Variants in SLC35F3 observed in about 807,000 individuals in gnomAD.
SLC35F3 encodes putative thiamine transporter SLC35F3.
SLC35F3 carries 25 observed loss-of-function variants against 49.9 expected under a neutral mutation model. The observed-to-expected ratio is 0.50, with a 90% CI of 0.37 to 0.70. The LOEUF (loss-of-function observed/expected upper bound fraction) is 0.70, where lower values mean the gene tolerates loss of function less well. Among genes scored for constraint, SLC35F3 ranks in the 30% least tolerant of loss-of-function variants. SLC35F3 has a pLI of 0.00. For synonymous variants in SLC35F3, 275 were observed against 265.4 expected (o/e 1.04, Z -0.35); for missense variants, 525 against 639.8 (o/e 0.82, Z 1.94).
chr1:234,004,803 C>G (rs889603807), intron 2 of SLC35F3, among the ~76,000 whole-genome samples: 4 of 152,042 alleles, frequency 2.6e-5, no homozygotes, highest in Non-Finnish European at 5.9e-5. Flanking sequence ...TATCATGCCC[C>G]CAGTACATGA....
intron 2 of SLC35F3, among the ~76,000 whole-genome samples, chr1:233,943,822 A>G (rs1270693009): frequency 6.6e-6 from 1 of 152,232 alleles, no homozygotes; most frequent in African/African-American, 2.4e-5. Context: ...TTGTGATGCA[A>G]CTTTATCAAA....
chr1:234,097,937 A>C (rs1665148514), intron 2 of SLC35F3, among the ~76,000 whole-genome samples: 1 of 152,164 alleles, frequency 6.6e-6, no homozygotes, highest in Non-Finnish European at 1.5e-5. Context: ...ATGGTGTTAT[A>C]GGGTGATGGT....
At chr1:234,070,805 A>T (rs1048502279) in intron 2 of SLC35F3, among the ~76,000 whole-genome samples, 1 of 152,028 alleles carries the variant, frequency 6.6e-6, no homozygotes, top group Non-Finnish European at 1.5e-5. Context: ...ACCCCATAAC[A>T]TATCAGTTCA....
chr1:234,304,224 T>C (rs977739986), intron 3 of SLC35F3, among the ~76,000 whole-genome samples: 1 of 152,016 alleles, frequency 6.6e-6, no homozygotes, highest in African/African-American at 2.4e-5. Context: ...TGCAGTGGCA[T>C]GATCTTGGCT....
At chr1:234,021,697 CT>C (rs1663898366) in intron 2 of SLC35F3, among the ~76,000 whole-genome samples, 1 of 152,160 alleles carries the variant, frequency 6.6e-6, no homozygotes, top group South Asian at 2.1e-4. Flanking sequence ...TTCACATTGC[CT>C]TTGGGAACCT....
chr1:233,955,599 C>T (rs1428049847), intron 2 of SLC35F3, among the ~76,000 whole-genome samples: 1 of 152,056 alleles, frequency 6.6e-6, no homozygotes, highest in Non-Finnish European at 1.5e-5. Flanking sequence ...CCTTCTGCCC[C>T]CCTGTCTTGC....
At chr1:234,280,714 A>G (rs771585837) in intron 3 of SLC35F3, among the ~76,000 whole-genome samples, 2 of 152,198 alleles carry the variant, frequency 1.3e-5, no homozygotes, top group Admixed American at 6.5e-5. Flanking sequence ...GGTACTAAGC[A>G]CATGTGCGTA....
rs531235049 is a variant in SLC35F3 at position 234,131,088 on chromosome 1, G to C, written c.284-100329G>C. On this transcript the variant is annotated intron_variant, in intron 2 of 7. Transcript: ENST00000366618. The stretch of plus-strand genomic sequence containing the variant: ...TCAAAGAGAGACAAAGCTGATCTGC[G>C]ATGTTAGAAGTGGGGATATTGGTTA... 2.0e-4 allele frequency among the ~76,000 whole-genome samples: 30 copies of C among 152,278 alleles called. No homozygotes were observed. The South Asian group carries it at 6.0e-3, about 31-fold the overall frequency.
Position 233,963,265 on chromosome 1 carries a change from G to A in SLC35F3, c.283+57507G>A, listed in dbSNP as rs180815068. Among the ~76,000 whole-genome samples the A allele has an allele frequency of 1.8e-4, 27 of 151,918 alleles. 1 individual carries two copies. The East Asian group carries it at 5.0e-3, about 28-fold the overall frequency. ...TTTCTCCCCATTGTGGAGAGGCTTT[G>A]GGGCAGGTCATAGCTTTCTTTTTTC... On this transcript the variant is annotated intron_variant, in intron 2 of 7. Coordinates refer to ENST00000366618, the MANE Select transcript of SLC35F3 (RefSeq NM_173508.4).
chr1:234,243,217 T>C (rs562879779), intron 3 of SLC35F3, among the ~76,000 whole-genome samples: 3 of 152,186 alleles, frequency 2.0e-5, no homozygotes, highest in Non-Finnish European at 4.4e-5. Flanking sequence ...TAGCTGGGCG[T>C]GGTGGTGCAC....
chr1:234,000,769 AC>A (rs1663538519), intron 2 of SLC35F3, among the ~76,000 whole-genome samples: 1 of 152,160 alleles, frequency 6.6e-6, no homozygotes, highest in South Asian at 2.1e-4. Flanking sequence ...TCACACAGCT[AC>A]CCCTTTGTCA....
intron 2 of SLC35F3, among the ~76,000 whole-genome samples, chr1:234,072,024 C>A (rs762038280): frequency 6.6e-6 from 1 of 152,184 alleles, no homozygotes; most frequent in Non-Finnish European, 1.5e-5. Context: ...GACAATGTAG[C>A]TGAGTGGAAA....
At chr1:234,112,246 G>T (rs1665418433) in intron 2 of SLC35F3, among the ~76,000 whole-genome samples, 1 of 152,180 alleles carries the variant, frequency 6.6e-6, no homozygotes, top group African/African-American at 2.4e-5. Flanking sequence ...AGCTGCTCAG[G>T]AGGCTGAGGT....
rs1363916915 is a variant in SLC35F3, at chr1:234,008,378, T to C, written c.283+102620T>C. On this transcript the variant is annotated intron_variant, in intron 2 of 7. Coordinates refer to ENST00000366618, the MANE Select transcript of SLC35F3 (RefSeq NM_173508.4). ...CTGTTATTTGCCTCTGTGTTAGGAC[T>C]GTATGCTCTGAATGAAAGAGAACAT... 2.6e-5 allele frequency among the ~76,000 whole-genome samples: 4 copies of C among 152,234 alleles called. No homozygotes were observed. In the East Asian group the frequency reaches 7.7e-4, roughly 29 times the overall value.
intron 2 of SLC35F3, among the ~76,000 whole-genome samples, chr1:234,111,786 G>C (rs1665411147): frequency 6.6e-6 from 1 of 152,214 alleles, no homozygotes; most frequent in Non-Finnish European, 1.5e-5. Flanking sequence ...GGAGAAAGCT[G>C]AGAATTATGC....
intron 2 of SLC35F3, among the ~76,000 whole-genome samples, chr1:234,105,054 G>A (rs537504882): frequency 2.2e-4 from 33 of 151,958 alleles, no homozygotes; most frequent in African/African-American, 7.0e-4. Flanking sequence ...CGTGAACCGG[G>A]GAGGCAAAGC....
At chr1:234,022,717 A>C (rs1015942215) in intron 2 of SLC35F3, among the ~76,000 whole-genome samples, 1 of 152,160 alleles carries the variant, frequency 6.6e-6, no homozygotes, top group Non-Finnish European at 1.5e-5. Flanking sequence ...GGCTCAGTAC[A>C]TGTAATTAAA....
chr1:234,245,438 A>AT (rs1192891824), intron 3 of SLC35F3, among the ~76,000 whole-genome samples: 1 of 152,238 alleles, frequency 6.6e-6, no homozygotes, highest in Non-Finnish European at 1.5e-5. Flanking sequence ...ATGTGAGTGC[A>AT]GGTATCCCTT....
intron 2 of SLC35F3, among the ~76,000 whole-genome samples, chr1:234,098,011 T>C (rs1572050872): frequency 1.4e-5 from 2 of 146,004 alleles, no homozygotes; most frequent in African/African-American, 5.2e-5. Context: ...TGTTATAGGG[T>C]GATGATGGAG....
Sources: gnomAD v4.1 joint callset for allele counts (sites outside exome capture counted in the v4.1 genomes callset) on GRCh38, gnomAD v4.1.1 for gene constraint, MANE v1.5 for transcripts, NCBI Gene and HGNC (gene_info 2026-07-23, HGNC 2026-07-21) for gene names.